Variants in TUSC3 observed in about 807,000 individuals in gnomAD.
The protein encoded by TUSC3 is dolichyl-diphosphooligosaccharide--protein glycosyltransferase subunit TUSC3.
In TUSC3, 45 loss-of-function variants were observed where a neutral mutation model predicts 44.8. The ratio of observed to expected loss-of-function variants is 1.00; its 90% CI spans 0.79 to 1.29. The LOEUF (loss-of-function observed/expected upper bound fraction) is 1.29. TUSC3 is among the 50% of genes most tolerant of loss of function. The pLI is 0.00. For synonymous variants in TUSC3, 212 were observed against 152.9 expected (o/e 1.39, Z -2.85); for missense variants, 519 against 437.9 (o/e 1.19, Z -1.65).
chr8:15,732,391 C>T (rs1013555492), intron 7 of TUSC3, among the ~76,000 whole-genome samples: 5 of 152,144 alleles, frequency 3.3e-5, no homozygotes, highest in African/African-American at 1.2e-4. Context: ...CTGTCTCTTT[C>T]CTGCTTCCAT....
chr8:15,689,107 C>T (rs542423733), intron 6 of TUSC3: 31 of 379,042 alleles, frequency 8.2e-5, no homozygotes, highest in South Asian at 1.6e-4. Context: ...TGTAGCTGCT[C>T]GTCTTGTCTT....
chr8:15,466,282 C>G (rs1365976834), intron 1 of TUSC3, among the ~76,000 whole-genome samples: 1 of 152,156 alleles, frequency 6.6e-6, no homozygotes, highest in Non-Finnish European at 1.5e-5. Context: ...GAGGAAATCA[C>G]TGGAAAATTA....
At chr8:15,651,102 C>A (rs184001164) in intron 3 of TUSC3, 3 of 327,406 alleles carry the variant, frequency 9.2e-6, no homozygotes, top group Non-Finnish European at 1.7e-5. Context: ...ATAATTATGG[C>A]TAAACTTATT....
chr8:15,563,178 A>G (rs955033345), intron 1 of TUSC3, among the ~76,000 whole-genome samples: 1 of 152,202 alleles, frequency 6.6e-6, no homozygotes, highest in Admixed American at 6.5e-5. Flanking sequence ...TTTACCAATG[A>G]CTATAAAATT....
chr8:15,589,372 G>T (rs1305029327), intron 1 of TUSC3, among the ~76,000 whole-genome samples: 1 of 152,144 alleles, frequency 6.6e-6, no homozygotes, highest in African/African-American at 2.4e-5. Context: ...GTTAAAGTTG[G>T]AGAAGCACTG....
At chr8:15,703,670 G>C (rs1323624104) in intron 6 of TUSC3, among the ~76,000 whole-genome samples, 1 of 152,104 alleles carries the variant, frequency 6.6e-6, no homozygotes, top group East Asian at 1.9e-4. Context: ...GCCAGCATGT[G>C]TAGCAATCAA....
intron 6 of TUSC3, among the ~76,000 whole-genome samples, chr8:15,717,058 C>A (rs560980908): frequency 4.6e-5 from 7 of 152,156 alleles, no homozygotes; most frequent in African/African-American, 1.7e-4. Context: ...TAACTAATAT[C>A]ATTTTCCCTA....
intron 6 of TUSC3, among the ~76,000 whole-genome samples, chr8:15,699,397 T>C (rs1255541381): frequency 6.6e-6 from 1 of 152,220 alleles, no homozygotes; most frequent in African/African-American, 2.4e-5. Context: ...TGTTTCTTGC[T>C]CTGTCTGTAC....
intron 1 of TUSC3, among the ~76,000 whole-genome samples, chr8:15,445,197 C>G (rs947950635): frequency 6.6e-6 from 1 of 151,998 alleles, no homozygotes; most frequent in Non-Finnish European, 1.5e-5. Context: ...TTAGGGATGA[C>G]TAAGAATGAC....
At chr8:15,758,431 CAG>C (rs1280927238) in intron 10 of TUSC3, among the ~76,000 whole-genome samples, 6 of 151,444 alleles carry the variant, frequency 4.0e-5, no homozygotes, top group Admixed American at 3.3e-4. Flanking sequence ...GTAAAATTGA[CAG>C]TAATTTTTTG....
chr8:15,849,438 G>T, the TUSC3 span, among the ~76,000 whole-genome samples: 1 of 152,062 alleles, frequency 6.6e-6, no homozygotes, highest in East Asian at 1.9e-4. Context: ...TTCAAGCAAC[G>T]AAGTTTCCAC....
Position 15,763,599 on chromosome 8 carries a change from A to G in TUSC3, c.*47-604A>G, listed in dbSNP as rs143328268. ...TAAATGTTATTTAAATTGATTTACCATCTTACAAAATTAAATTTTGTTTCA... is the reference window on the plus strand; with the variant it reads ...TAAATGTTATTTAAATTGATTTACCGTCTTACAAAATTAAATTTTGTTTCA... On this transcript the variant is annotated intron_variant, in intron 10 of 10. Coordinates refer to ENST00000503731, the MANE Select transcript of TUSC3 (RefSeq NM_006765.4). 2.5e-4 allele frequency among the ~76,000 whole-genome samples: 38 copies of G among 152,170 alleles called. No homozygotes were observed. In the East Asian group the frequency reaches 6.6e-3, roughly 26 times the overall value.
intron 1 of TUSC3, among the ~76,000 whole-genome samples, chr8:15,438,875 A>C (rs1233028513): frequency 6.6e-6 from 1 of 152,224 alleles, no homozygotes; most frequent in Non-Finnish European, 1.5e-5. Flanking sequence ...CACACAGTAC[A>C]TTCAATTTAG....
chr8:15,729,425 T>G (rs1299345575), intron 6 of TUSC3, among the ~76,000 whole-genome samples: 2 of 152,146 alleles, frequency 1.3e-5, no homozygotes, highest in Non-Finnish European at 2.9e-5. Context: ...TAAGTCTCAG[T>G]TTCCTCATTT....
intron 1 of TUSC3, among the ~76,000 whole-genome samples, chr8:15,449,607 T>C (rs562794050): frequency 2.0e-5 from 3 of 152,278 alleles, no homozygotes; most frequent in East Asian, 3.9e-4. Context: ...ATGGAGGTTA[T>C]TGAGGGAGGG....
chr8:15,459,645 A>C (rs919681123), intron 1 of TUSC3, among the ~76,000 whole-genome samples: 1 of 151,964 alleles, frequency 6.6e-6, no homozygotes, highest in African/African-American at 2.4e-5. Context: ...CGAGTCTCCA[A>C]AATCCATTGT....
chr8:15,805,136 C>T, the TUSC3 span, among the ~76,000 whole-genome samples: 1 of 151,910 alleles, frequency 6.6e-6, no homozygotes, highest in Non-Finnish European at 1.5e-5. Flanking sequence ...TGGGCTTGAA[C>T]GTTATTGGTG....
intron 2 of TUSC3, among the ~76,000 whole-genome samples, chr8:15,500,604 G>T (rs1800947366): frequency 6.6e-6 from 1 of 152,112 alleles, no homozygotes; most frequent in Admixed American, 6.6e-5. Flanking sequence ...AATGATGTAG[G>T]CACCAGTTGA....
At chr8:15,477,200 C>G (rs1009164510) in intron 1 of TUSC3, among the ~76,000 whole-genome samples, 1 of 152,154 alleles carries the variant, frequency 6.6e-6, no homozygotes, top group Non-Finnish European at 1.5e-5. Context: ...ACTCCAGACC[C>G]TATTCTCCTG....
Sources: allele counts gnomAD v4.1 joint callset (sites outside exome capture counted in the v4.1 genomes callset), GRCh38; gene constraint gnomAD v4.1.1; transcripts MANE v1.5; gene names NCBI Gene and HGNC (gene_info 2026-07-23, HGNC 2026-07-21).